ZNF33A: variants seen among roughly 807,000 people sequenced by gnomAD.
The protein encoded by ZNF33A is zinc finger protein 33A, also known as brain my041 protein.
ZNF33A carries 9 observed loss-of-function variants against 15.9 expected under a neutral mutation model. That is an observed-to-expected ratio of 0.57 (90% CI 0.34 to 0.99). The LOEUF (loss-of-function observed/expected upper bound fraction) is 0.99, where lower values mean the gene tolerates loss of function less well. ZNF33A is among the 50% of genes least tolerant of loss of function. ZNF33A has a pLI of 0.02. For missense variants in ZNF33A, 843 were observed against 941.6 expected (o/e 0.90, Z 1.37); for synonymous variants, 294 against 324.2 (o/e 0.91, Z 1.00).
Position 38,056,174 on chromosome 10 carries a change from G to A in ZNF33A, c.2050G>A (p.Glu684Lys), listed in dbSNP as rs1389069988. The change falls in exon 5 of 5, where the codon GAG becomes AAG. Residue 684 changes from glutamate (E) to lysine (K), a missense_variant. Coordinates refer to ENST00000432900, the MANE Select transcript of ZNF33A (RefSeq NM_006954.2). ...TGTAAAATCAGGACTTATTTTCCAT[G>A]AGAGAAAGCACACGGGGGAGAAACC... Reference protein sequence around the residue: ...FCVKSGLIFHERKHTGEKPYE... With the variant: ...FCVKSGLIFHKRKHTGEKPYE... 1.2e-6 allele frequency: 2 copies of A among 1,613,716 alleles called. No homozygotes were observed. The highest frequency in any genetic ancestry group is 4.5e-5 in the East Asian group (2 of 44,830).
chr10:38,050,084 A>G (rs1243413850), intron 4 of ZNF33A, among the ~76,000 whole-genome samples: 1 of 152,204 alleles, frequency 6.6e-6, no homozygotes, highest in African/African-American at 2.4e-5. Context: ...CCAGCAAACA[A>G]TTAATAGTAC....
At position 38,033,959 on chromosome 10, in the gene ZNF33A, C is replaced by T. The variant is rs541244375; in HGVS notation, c.250+16573C>T. 2.0e-5 allele frequency among the ~76,000 whole-genome samples: 3 copies of T among 152,282 alleles called. No homozygotes were observed. In the South Asian group the frequency reaches 6.2e-4, roughly 32 times the overall value. ...AACTCCTGATCTCATGATCCACCCA[C>T]CTCGGCCTCCCAAAGTGCTGGGATT... On this transcript the variant is annotated intron_variant, in intron 4 of 4. Transcript: ENST00000432900.
Position 38,010,743 on chromosome 10 carries a change from C to A in ZNF33A, c.-85C>A, listed in dbSNP as rs188075350. On this transcript the variant is annotated 5_prime_UTR_variant, in exon 1 of 5. Transcript: ENST00000432900. ...GCGGTCCCGGGATTTCAAGGGTCTA[C>A]GCGCTTTTCTATGGCGAATGCAACC... is the stretch of plus-strand genomic sequence containing the variant. 36 of 1,598,326 alleles carry A rather than the reference C, an allele frequency of 2.3e-5. No individual in the cohort carries two copies. In the South Asian group the frequency reaches 2.3e-4, roughly 10 times the overall value.
rs2066573348 is a variant in ZNF33A, at chr10:38,058,441, T to C, written c.*1881T>C. The C allele has an allele frequency of 6.6e-6, 1 of 152,188 alleles. No homozygotes were observed. The highest frequency in any genetic ancestry group is 1.5e-5 in the Non-Finnish European group (1 of 68,040). 9.4% of individuals were successfully genotyped at this position (152,188 alleles called of 1,614,324 possible). A position where few individuals can be genotyped will look rare whatever the true frequency, so the allele number is the denominator to read the frequency against. ...CACAAGATAGACCTCAATAGGCATA[T>C]GTATCTATTAAATAAACCAAAGCAG... On this transcript the variant is annotated 3_prime_UTR_variant, in exon 5 of 5. Coordinates refer to ENST00000432900, the MANE Select transcript of ZNF33A (RefSeq NM_006954.2).
chr10:38,062,875 C>T (rs1336745037), downstream of ZNF33A, among the ~76,000 whole-genome samples: 3 of 151,464 alleles, frequency 2.0e-5, no homozygotes, highest in Non-Finnish European at 4.4e-5. Context: ...TGGTGGCAGG[C>T]GCCTGTAGTC....
At chr10:38,033,311 A>G (rs1184950499) in intron 4 of ZNF33A, among the ~76,000 whole-genome samples, 4 of 152,222 alleles carry the variant, frequency 2.6e-5, no homozygotes, top group Non-Finnish European at 5.9e-5. Context: ...ATGGCCATAT[A>G]ACATGGTGTA....
intron 4 of ZNF33A, among the ~76,000 whole-genome samples, chr10:38,020,596 A>G (rs2064692882): frequency 6.6e-6 from 1 of 152,184 alleles, no homozygotes; most frequent in Admixed American, 6.6e-5. Context: ...TTTCACAAAT[A>G]AGTGAGAACA....
At chr10:38,033,464 T>C (rs916527676) in intron 4 of ZNF33A, among the ~76,000 whole-genome samples, 2 of 152,208 alleles carry the variant, frequency 1.3e-5, no homozygotes, top group Non-Finnish European at 2.9e-5. Flanking sequence ...TCATTTCAGA[T>C]ATATACCTAG....
chr10:38,067,832 T>C (rs2066721721), downstream of ZNF33A, among the ~76,000 whole-genome samples: 1 of 152,162 alleles, frequency 6.6e-6, no homozygotes, highest in South Asian at 2.1e-4. Flanking sequence ...ATTTGGACTT[T>C]CTGGGTTAAA....
At chr10:38,043,369 G>T in intron 4 of ZNF33A, among the ~76,000 whole-genome samples, 2 of 107,056 alleles carry the variant, frequency 1.9e-5, no homozygotes, top group South Asian at 3.6e-4. Context: ...AGGGGGGAGG[G>T]ATAGCATTAG....
intron 4 of ZNF33A, among the ~76,000 whole-genome samples, chr10:38,048,856 GGAAAA>G (rs2135733287): frequency 6.6e-6 from 1 of 152,154 alleles, no homozygotes; most frequent in South Asian, 2.1e-4. Flanking sequence ...TGATAAAACA[GGAAAA>G]GGAAAAGGAG....
chr10:38,010,969 T>C lies in ZNF33A; in HGVS notation c.-45+186T>C, dbSNP rs553382536. On this transcript the variant is annotated intron_variant, in intron 1 of 4. Coordinates refer to ENST00000432900, the MANE Select transcript of ZNF33A (RefSeq NM_006954.2). ...CGGTTCCTCAAAGGCGCGGCCTCTG[T>C]ACGGAGCAGGGTACGCAGCGTGTGT... 3.2e-4 allele frequency among the ~76,000 whole-genome samples: 49 copies of C among 152,300 alleles called. 1 individual carries two copies. In the South Asian group the frequency reaches 9.9e-3, roughly 31 times the overall value.
chr10:38,046,100 G>T (rs1434078161), intron 4 of ZNF33A, among the ~76,000 whole-genome samples: 1 of 152,278 alleles, frequency 6.6e-6, no homozygotes, highest in East Asian at 1.9e-4. Flanking sequence ...TTTAATTGGG[G>T]TGGTGGAGGA....
At chr10:38,065,806 G>T, downstream of ZNF33A, among the ~76,000 whole-genome samples, 1 of 151,956 alleles carries the variant, frequency 6.6e-6, no homozygotes, top group Non-Finnish European at 1.5e-5. Flanking sequence ...CGCCAACCGG[G>T]TTCAAGCAAT....
At chr10:38,047,868 A>G (rs1013349163) in intron 4 of ZNF33A, among the ~76,000 whole-genome samples, 2 of 152,184 alleles carry the variant, frequency 1.3e-5, no homozygotes, top group African/African-American at 2.4e-5. Context: ...ACTAAGCCAC[A>G]TGAGTCATAA....
intron 4 of ZNF33A, among the ~76,000 whole-genome samples, chr10:38,050,641 G>A (rs1338800499): frequency 6.6e-6 from 1 of 152,182 alleles, no homozygotes; most frequent in Non-Finnish European, 1.5e-5. Context: ...GGTAGCCAGG[G>A]CCATGACCTT....
chr10:38,035,721 G>T (rs1199356761), intron 4 of ZNF33A, among the ~76,000 whole-genome samples: 1 of 151,988 alleles, frequency 6.6e-6, no homozygotes, highest in Non-Finnish European at 1.5e-5. Flanking sequence ...GGTGCAATGG[G>T]TAATTCCTTG....
chr10:38,010,990 T>G (rs2064149310), intron 1 of ZNF33A, among the ~76,000 whole-genome samples: 2 of 152,154 alleles, frequency 1.3e-5, no homozygotes, highest in African/African-American at 4.8e-5. Flanking sequence ...GTACGCAGCG[T>G]GTGTCGCCCC....
chr10:38,038,932 T>G (rs1000191058), intron 4 of ZNF33A, among the ~76,000 whole-genome samples: 1 of 152,212 alleles, frequency 6.6e-6, no homozygotes, highest in Non-Finnish European at 1.5e-5. Context: ...AAATCACACT[T>G]GATAATTGTA....
Sources: allele counts gnomAD v4.1 joint callset (sites outside exome capture counted in the v4.1 genomes callset), GRCh38; gene constraint gnomAD v4.1.1; transcripts MANE v1.5; gene names NCBI Gene and HGNC (gene_info 2026-07-23, HGNC 2026-07-21).